ACAP2: variants seen among roughly 807,000 people sequenced by gnomAD.
ACAP2 encodes arf-GAP with coiled-coil, ANK repeat and PH domain-containing protein 2.
Under a neutral mutation model 115.8 loss-of-function variants are expected in ACAP2, and 39 were observed. The ratio of observed to expected loss-of-function variants is 0.34; its 90% CI spans 0.26 to 0.44. ACAP2 has a LOEUF of 0.44. Among genes scored for constraint, ACAP2 ranks in the 20% least tolerant of loss-of-function variants. ACAP2 has a pLI of 1.00. For synonymous variants in ACAP2, 289 were observed against 315.8 expected, an observed-to-expected ratio of 0.92 and a Z score of 0.90; for missense variants, 662 against 927.6, an observed-to-expected ratio of 0.71 and a Z score of 3.72.
In ACAP2 at chr3:195,278,545, T is replaced by TA. The variant is rs1726280093; in HGVS notation, c.*782dup. Reference sequence around the variant, plus strand: ...TTAAAACATACTTTTATTCCATCGATACATCTGTCAAGGTTTTGGGGAATC... The same window carrying TA: ...TTAAAACATACTTTTATTCCATCGATAACATCTGTCAAGGTTTTGGGGAATC... On this transcript the variant is annotated 3_prime_UTR_variant, in exon 23 of 23. Coordinates refer to ENST00000326793, the MANE Select transcript of ACAP2 (RefSeq NM_012287.6). The TA allele has an allele frequency of 1.3e-5, 2 of 152,016 alleles. No homozygotes were observed. Among genetic ancestry groups the TA allele is most frequent in the African/African-American group, 4.8e-5 (2 of 41,360 alleles). The allele number at this position is 152,016 out of a possible 1,614,324, so 9.4% of individuals were successfully genotyped here.
chr3:195,380,077 T>G (rs555914268), intron 4 of ACAP2, among the ~76,000 whole-genome samples: 20 of 152,220 alleles, frequency 1.3e-4, no homozygotes, highest in African/African-American at 4.6e-4. Context: ...AGAAAACAGT[T>G]TGGCAGTTCC....
In ACAP2 at chr3:195,326,875, CCT is replaced by C. The variant is rs776788841; in HGVS notation, c.744+8_744+9del. ...AGTGGAATTAATTTTTAATTTTTCC[CCT>C]GAGGTACCTTTTGTTGAATGGTGGA... is the stretch of plus-strand genomic sequence containing the variant. On this transcript the variant is annotated splice_region_variant and intron_variant, in intron 9 of 22. Transcript: ENST00000326793. 533 of 1,613,424 alleles carry C rather than the reference CCT, an allele frequency of 3.3e-4. 2 individuals are homozygous for C. In the Middle Eastern group the frequency reaches 0.011, roughly 32 times the overall value.
chr3:195,442,918 A>G lies in ACAP2; in HGVS notation c.-71T>C. On this transcript the variant is annotated 5_prime_UTR_variant, in exon 1 of 23. Coordinates refer to ENST00000326793, the MANE Select transcript of ACAP2 (RefSeq NM_012287.6). ...CGGGAGCGGCCGCGCTGGGACGCAG[A>G]CGGCTACGGCGGGCGCACGGCCGCG... 7.2e-7 allele frequency: 1 copy of G among 1,383,730 alleles called. No homozygotes were observed. The highest frequency in any genetic ancestry group is 1.4e-5 in the South Asian group (1 of 69,348). 85.7% of individuals were successfully genotyped at this position (1,383,730 alleles called of 1,614,324 possible).
At chr3:195,299,791 T>C (rs1301774400) in intron 15 of ACAP2, among the ~76,000 whole-genome samples, 1 of 151,972 alleles carries the variant, frequency 6.6e-6, no homozygotes, top group Non-Finnish European at 1.5e-5. Context: ...TGAGTCAAGA[T>C]CGCGCCACTG....
chr3:195,285,902 A>AT, intron 21 of ACAP2, 45 bp from the exon 22 acceptor site: 2 of 1,357,196 alleles, frequency 1.5e-6, no homozygotes, highest in Non-Finnish European at 1.0e-6. Flanking sequence ...TATATAATAT[A>AT]AATGTCATAA....
intron 11 of ACAP2, 37 bp downstream of exon 11, chr3:195,308,749 C>T (rs1728572232): frequency 6.5e-7 from 1 of 1,532,248 alleles, no homozygotes; most frequent in African/African-American, 1.4e-5. Context: ...ATAACTGAAA[C>T]TGGTAACTCA....
At chr3:195,400,353 T>G (rs995546538) in intron 1 of ACAP2, among the ~76,000 whole-genome samples, 2 of 152,048 alleles carry the variant, frequency 1.3e-5, no homozygotes, top group Non-Finnish European at 2.9e-5. Flanking sequence ...ATTTCAATAG[T>G]CACTTCCAAA....
At chr3:195,364,088 C>G (rs1732551505) in intron 4 of ACAP2, among the ~76,000 whole-genome samples, 1 of 152,046 alleles carries the variant, frequency 6.6e-6, no homozygotes, top group African/African-American at 2.4e-5. Context: ...GCAACCAAGG[C>G]AAAAGTGGAC....
chr3:195,360,194 C>T (rs935477182), intron 4 of ACAP2, among the ~76,000 whole-genome samples: 1 of 151,724 alleles, frequency 6.6e-6, no homozygotes, highest in Non-Finnish European at 1.5e-5. Flanking sequence ...ATATTACATG[C>T]AAATGGAAAC....
At chr3:195,314,677 G>A (rs373708468) in intron 10 of ACAP2, among the ~76,000 whole-genome samples, 2 of 152,206 alleles carry the variant, frequency 1.3e-5, no homozygotes, top group South Asian at 2.1e-4. Flanking sequence ...AACAAAAAAC[G>A]TGCCCTAAAA....
At chr3:195,293,529 AC>A (rs1727408576) in intron 18 of ACAP2, among the ~76,000 whole-genome samples, 1 of 152,234 alleles carries the variant, frequency 6.6e-6, no homozygotes, top group East Asian at 1.9e-4. Context: ...TTTAGCACAT[AC>A]CATTAGGCTT....
intron 4 of ACAP2, among the ~76,000 whole-genome samples, chr3:195,369,262 T>C (rs1455302826): frequency 6.6e-6 from 1 of 152,214 alleles, no homozygotes; most frequent in Admixed American, 6.5e-5. Flanking sequence ...TACTAAATGC[T>C]TAATTTTTTA....
intron 1 of ACAP2, among the ~76,000 whole-genome samples, chr3:195,434,037 T>C (rs1254628079): frequency 2.6e-5 from 4 of 152,132 alleles, no homozygotes; most frequent in Non-Finnish European, 5.9e-5. Flanking sequence ...CAAGTGGTCC[T>C]CCTGCCTCAA....
intron 4 of ACAP2, among the ~76,000 whole-genome samples, chr3:195,351,068 G>A (rs1230433202): frequency 6.8e-6 from 1 of 147,362 alleles, no homozygotes; most frequent in Non-Finnish European, 1.5e-5. Context: ...AAGCATGGAA[G>A]AAAATATCTG....
intron 21 of ACAP2, among the ~76,000 whole-genome samples, chr3:195,288,788 G>A (rs533590874): frequency 6.6e-6 from 1 of 152,240 alleles, no homozygotes; most frequent in South Asian, 2.1e-4. Flanking sequence ...AATCTGGGAG[G>A]TGGAGGTTGC....
chr3:195,307,340 A>G lies in ACAP2; in HGVS notation c.910-17T>C, dbSNP rs559051870. On this transcript the variant is annotated splice_polypyrimidine_tract_variant and intron_variant, in intron 11 of 22. Coordinates refer to ENST00000326793, the MANE Select transcript of ACAP2 (RefSeq NM_012287.6). Reference sequence around the variant, plus strand: ...CGGATTATCCTATAGTGAGGAAACCAAATTTCCATATTTTTCCACTTAGGT... The same window carrying G: ...CGGATTATCCTATAGTGAGGAAACCGAATTTCCATATTTTTCCACTTAGGT... 3.2e-6 allele frequency: 5 copies of G among 1,542,098 alleles called. No individual in the cohort carries two copies. The highest frequency in any genetic ancestry group is 4.4e-6 in the Non-Finnish European group (5 of 1,126,354).
intron 1 of ACAP2, among the ~76,000 whole-genome samples, chr3:195,428,343 TATATAC>T (rs1342747608): frequency 3.0e-5 from 4 of 133,014 alleles, no homozygotes; most frequent in Non-Finnish European, 6.3e-5. Context: ...TGTGTATATA[TATATAC>T]ACACACACAC....
chr3:195,426,726 A>G (rs1714711259), intron 1 of ACAP2, among the ~76,000 whole-genome samples: 2 of 152,224 alleles, frequency 1.3e-5, no homozygotes, highest in Admixed American at 1.3e-4. Flanking sequence ...CTATTAAATT[A>G]AAAATAGCAA....
intron 1 of ACAP2, among the ~76,000 whole-genome samples, chr3:195,428,430 C>T (rs933884906): frequency 6.6e-6 from 1 of 151,414 alleles, no homozygotes; most frequent in African/African-American, 2.4e-5. Context: ...ACCACAAATA[C>T]AACAGCGGTC....
Sources: allele counts gnomAD v4.1 joint callset (sites outside exome capture counted in the v4.1 genomes callset), GRCh38; gene constraint gnomAD v4.1.1; transcripts MANE v1.5; gene names NCBI Gene and HGNC (gene_info 2026-07-23, HGNC 2026-07-21).